ATRX: variants seen among roughly 807,000 people sequenced by gnomAD.
ATRX encodes the protein chromatin remodeler ATRX.
In ATRX, 12 loss-of-function variants were observed where a neutral mutation model predicts 172.6. That is an observed-to-expected ratio of 0.07 (90% CI 0.04 to 0.11). The LOEUF (loss-of-function observed/expected upper bound fraction) is 0.11, where lower values mean the gene tolerates loss of function less well. ATRX is among the 10% of genes least tolerant of loss of function. ATRX has a pLI of 1.00. For synonymous variants in ATRX, 674 were observed against 594.7 expected (o/e 1.13, Z -1.94); for missense variants, 1,368 against 1,767.4 (o/e 0.77, Z 4.05).
At chrX:77,603,903 T>C (rs2066786924) in intron 22 of ATRX, among the ~76,000 whole-genome samples, 3 of 112,001 alleles carry the variant, frequency 2.7e-5, no homozygotes, top group African/African-American at 9.7e-5. Context: ...TTTCAATAAA[T>C]GGTTCTAAGA....
chrX:77,523,084 A>G (rs907058830), intron 31 of ATRX, among the ~76,000 whole-genome samples, 168 bp downstream of exon 31: 6 of 111,410 alleles, frequency 5.4e-5, no homozygotes, highest in African/African-American at 1.6e-4. Flanking sequence ...CTACTCTACC[A>G]CTAAAGGTAG....
intron 25 of ATRX, among the ~76,000 whole-genome samples, chrX:77,597,122 T>C (rs2066492666): frequency 9.0e-6 from 1 of 111,450 alleles, no homozygotes; most frequent in Admixed American, 9.6e-5. Context: ...AATTTATTAT[T>C]CTGATAAAAA....
At chrX:77,784,971 A>T (rs1557206964) in intron 1 of ATRX, among the ~76,000 whole-genome samples, 1 of 111,738 alleles carries the variant, frequency 8.9e-6, no homozygotes, top group Non-Finnish European at 1.9e-5. Context: ...GTGGGATGAA[A>T]ATTCAAATGT....
At chrX:77,758,698 C>A (rs1475726009) in intron 1 of ATRX, among the ~76,000 whole-genome samples, 5 of 110,128 alleles carry the variant, frequency 4.5e-5, no homozygotes, top group Non-Finnish European at 9.5e-5. Flanking sequence ...GCGGAGGTTG[C>A]AGTGAGCCGA....
At chrX:77,635,367 G>T (rs1158941394) in intron 16 of ATRX, among the ~76,000 whole-genome samples, 5 of 111,075 alleles carry the variant, frequency 4.5e-5, no homozygotes, top group African/African-American at 1.6e-4. Context: ...ATACCTTTGA[G>T]TTTATTGAGT....
At chrX:77,778,463 C>T (rs1230564761) in intron 1 of ATRX, among the ~76,000 whole-genome samples, 3 of 108,426 alleles carry the variant, frequency 2.8e-5, no homozygotes, top group African/African-American at 1.0e-4. Context: ...TGGCTCACGC[C>T]TGTAATCCCA....
intron 1 of ATRX, among the ~76,000 whole-genome samples, chrX:77,756,446 A>G (rs2148894167): frequency 9.1e-6 from 1 of 110,124 alleles, no homozygotes; most frequent in Admixed American, 9.7e-5. Flanking sequence ...GTCTGCCCAG[A>G]TGCCCAGTTT....
chrX:77,553,855 A>G (rs183878031), intron 30 of ATRX, among the ~76,000 whole-genome samples: 170 of 111,869 alleles, frequency 1.5e-3, no homozygotes, highest in African/African-American at 5.2e-3. Flanking sequence ...TTACTATATT[A>G]CTTGCTTAAG....
rs2148257178 is a variant in ATRX at position 77,618,795 on chromosome X, C to A, written c.5448+11G>T. ...GTAAGAATATTTTATTACTATGGAA[C>A]ATATTTGTACCTGAACACATCCAGC... On this transcript the variant is annotated intron_variant, in intron 21 of 34. Transcript: ENST00000373344. 8.4e-7 allele frequency: 1 copy of A among 1,195,847 alleles called. No homozygotes were observed. Among genetic ancestry groups the A allele is most frequent in the African/African-American group, 1.7e-5 (1 of 57,442 alleles).
intron 1 of ATRX, among the ~76,000 whole-genome samples, chrX:77,763,387 CG>C (rs2075789917): frequency 9.4e-6 from 1 of 106,309 alleles, no homozygotes; most frequent in East Asian, 3.0e-4. Flanking sequence ...TCAGGTGATC[CG>C]CCCACCTTGG....
At chrX:77,755,113 C>T (rs782760997) in intron 1 of ATRX, among the ~76,000 whole-genome samples, 9 of 112,169 alleles carry the variant, frequency 8.0e-5, no homozygotes, top group Admixed American at 4.7e-4. Flanking sequence ...TCCTTTTTTC[C>T]GCTTCAGCGA....
chrX:77,600,324 A>G lies in ATRX; in HGVS notation c.5697+110T>C, dbSNP rs964614695. ...CATATAGAAATTAGAAATAAGACAT[A>G]GAATAGAACAAAGCAATAGAAAATT... On this transcript the variant is annotated intron_variant, in intron 23 of 34. Coordinates refer to ENST00000373344, the MANE Select transcript of ATRX (RefSeq NM_000489.6). 3.9e-5 allele frequency: 35 copies of G among 896,782 alleles called. No individual in the cohort carries two copies. In the African/African-American group the frequency reaches 5.1e-4, roughly 13 times the overall value. 73.9% of individuals were successfully genotyped at this position (896,782 alleles called of 1,213,427 possible).
intron 15 of ATRX, 66 bp from the exon 16 acceptor site, chrX:77,636,122 C>A (rs2148362315): frequency 8.8e-7 from 1 of 1,136,404 alleles, no homozygotes; most frequent in Middle Eastern, 2.8e-4. Context: ...TCAGTCTTAC[C>A]AAGGGAGATT....
At chrX:77,756,186 C>T (rs782796906) in intron 1 of ATRX, among the ~76,000 whole-genome samples, 9 of 111,482 alleles carry the variant, frequency 8.1e-5, no homozygotes, top group African/African-American at 2.0e-4. Context: ...TAATGGCAGA[C>T]GCCCCTCCCC....
chrX:77,510,268 C>T (rs1557035957), intron 34 of ATRX, among the ~76,000 whole-genome samples: 1 of 111,223 alleles, frequency 9.0e-6, no homozygotes, highest in African/African-American at 3.3e-5. Context: ...AGCCCTTGGG[C>T]CCTGAATAAC....
At chrX:77,540,123 T>C (rs1557050140) in intron 30 of ATRX, among the ~76,000 whole-genome samples, 3 of 111,190 alleles carry the variant, frequency 2.7e-5, no homozygotes, top group Non-Finnish European at 5.7e-5. Context: ...AGAGGAATAT[T>C]TACCAAGCAA....
chrX:77,593,738 A>G lies in ATRX; in HGVS notation c.6068T>C (p.Leu2023Pro), dbSNP rs782086488. ...CTCTGCCATTCGAAGAATTTCAAAGAGAAGTACCATTTTCCCAGAATGCTC... is the reference window on the plus strand; with the variant it reads ...CTCTGCCATTCGAAGAATTTCAAAGGGAAGTACCATTTTCCCAGAATGCTC... ...VLEHSGKMVLLFEILRMAEEI... is the reference protein window; with the variant it reads ...VLEHSGKMVLPFEILRMAEEI... The change falls in exon 26 of 35, where the codon CTC becomes CCC. Residue 2023 changes from leucine to proline, a missense_variant. Physicochemically the swap from Leu to Pro is moderately conservative, Grantham distance 98. Around this residue, in one of 17 missense-constraint regions of ATRX, gnomAD observed 45 missense variants for 120.2 expected, o/e 0.37. Coordinates refer to ENST00000373344, the MANE Select transcript of ATRX (RefSeq NM_000489.6). 8.3e-7 allele frequency: 1 copy of G among 1,209,640 alleles called. No homozygotes were observed. Among genetic ancestry groups the G allele is most frequent in the African/African-American group, 1.7e-5 (1 of 57,218 alleles).
intron 22 of ATRX, among the ~76,000 whole-genome samples, chrX:77,609,103 G>A (rs1016060809): frequency 8.9e-6 from 1 of 111,766 alleles, no homozygotes; most frequent in Non-Finnish European, 1.9e-5. Context: ...GCGAGGAGGT[G>A]GAGAAAAGGG....
rs2148624501 is a variant in ATRX at position 77,683,889 on chromosome X, T to C, written c.1367A>G (p.Asp456Gly). ...GEKPCALEKK[D>G]ISKSEAKLSR... ...AAGTTTAGCTTCTGACTTTGAAATA[T>C]CCTTCTTTTCCAAAGCACAAGGTTT... The change falls in exon 9 of 35, where the codon GAT becomes GGT. Residue 456 changes from aspartate to glycine, a missense_variant. By Grantham distance (94) the Asp-to-Gly change is moderately conservative. Transcript: ENST00000373344. The C allele has an allele frequency of 3.3e-6, 4 of 1,208,729 alleles. No homozygotes were observed. The highest frequency in any genetic ancestry group is 4.5e-6 in the Non-Finnish European group (4 of 892,881).
Sources: gnomAD v4.1 joint callset for allele counts (sites outside exome capture counted in the v4.1 genomes callset) on GRCh38, gnomAD v4.1.1 for gene constraint, gnomAD v4.1.1 regional missense constraint, MANE v1.5 for transcripts, NCBI Gene and HGNC (gene_info 2026-07-23, HGNC 2026-07-21) for gene names.